UMAD1: variants seen among roughly 807,000 people sequenced by gnomAD.
UMAD1 encodes UBAP1-MVB12-associated (UMA)-domain containing protein 1.
UMAD1 carries 8 observed loss-of-function variants against 6.1 expected under a neutral mutation model. The observed-to-expected ratio is 1.30, with a 90% CI of 0.76 to 2.35. UMAD1 has a LOEUF of 2.35. Among genes scored for constraint, UMAD1 ranks in the 30% most tolerant of loss-of-function variants. The pLI is 0.00. For missense variants in UMAD1, 130 were observed against 78.4 expected, an observed-to-expected ratio of 1.66 and a Z score of -2.49; for synonymous variants, 56 against 31.4, an observed-to-expected ratio of 1.78 and a Z score of -2.61.
intron 3 of UMAD1, among the ~76,000 whole-genome samples, chr7:7,849,984 A>T (rs1783881304): frequency 6.6e-6 from 1 of 152,192 alleles, no homozygotes; most frequent in South Asian, 2.1e-4. Context: ...ATTGGCAAAG[A>T]TTAAAAAGTC....
intron 3 of UMAD1, among the ~76,000 whole-genome samples, chr7:7,841,452 C>T (rs1049582729): frequency 3.3e-5 from 5 of 151,782 alleles, no homozygotes; most frequent in African/African-American, 4.8e-5. Flanking sequence ...CACAGGCACA[C>T]ACCTCCACAC....
chr7:7,767,867 A>C (rs1049837618), intron 2 of UMAD1, among the ~76,000 whole-genome samples: 1 of 152,226 alleles, frequency 6.6e-6, no homozygotes, highest in African/African-American at 2.4e-5. Context: ...TCTGTGTTCT[A>C]CTGCCTTATA....
chr7:7,731,493 A>T (rs548026182), intron 2 of UMAD1, among the ~76,000 whole-genome samples: 1 of 125,042 alleles, frequency 8.0e-6, no homozygotes, highest in Non-Finnish European at 1.7e-5. Flanking sequence ...CCCCCCCCCA[A>T]AAAAAAAACA....
At chr7:7,874,281 TG>T (rs1240695528) in intron 3 of UMAD1, among the ~76,000 whole-genome samples, 1 of 152,244 alleles carries the variant, frequency 6.6e-6, no homozygotes, top group East Asian at 1.9e-4. Context: ...ATAAGTAATC[TG>T]TCATTCCCAG....
chr7:7,741,454 G>A (rs1011306030), intron 2 of UMAD1, among the ~76,000 whole-genome samples: 6 of 151,696 alleles, frequency 4.0e-5, no homozygotes, highest in Non-Finnish European at 5.9e-5. Flanking sequence ...GCCTGTAGTC[G>A]TAGTCCCAGC....
At chr7:7,840,558 A>G (rs1272618027) in intron 3 of UMAD1, among the ~76,000 whole-genome samples, 1 of 143,560 alleles carries the variant, frequency 7.0e-6, no homozygotes. Flanking sequence ...CTGGGGGACT[A>G]TGGGAGGAAG....
intron 2 of UMAD1, among the ~76,000 whole-genome samples, chr7:7,755,104 A>G (rs1050998006): frequency 6.6e-6 from 1 of 152,208 alleles, no homozygotes; most frequent in South Asian, 2.1e-4. Context: ...TCTTCACTCC[A>G]CATCGAATGC....
intron 2 of UMAD1, among the ~76,000 whole-genome samples, chr7:7,767,088 C>G (rs1019926685): frequency 2.7e-5 from 4 of 149,972 alleles, no homozygotes; most frequent in Non-Finnish European, 5.9e-5. Context: ...ATGATCATTA[C>G]TGTTTATTGT....
At chr7:7,864,461 G>A (rs73676914) in intron 3 of UMAD1, among the ~76,000 whole-genome samples, 2,409 of 151,954 alleles carry the variant, frequency 0.016, 70 homozygotes, top group African/African-American at 0.054. Flanking sequence ...CCATCACAGG[G>A]CACACTCATA....
At chr7:7,696,043 T>C (rs1006284959) in intron 2 of UMAD1, among the ~76,000 whole-genome samples, 4 of 150,782 alleles carry the variant, frequency 2.7e-5, no homozygotes, top group African/African-American at 9.8e-5. Flanking sequence ...GGAGTCTCTG[T>C]TGCCCAGGCT....
At chr7:7,815,257 T>C (rs1353004722) in intron 3 of UMAD1, among the ~76,000 whole-genome samples, 3 of 152,188 alleles carry the variant, frequency 2.0e-5, no homozygotes, top group African/African-American at 7.2e-5. Flanking sequence ...ACAGGGTTAC[T>C]ATAAGAATTT....
At chr7:7,718,266 C>T (rs934124294) in intron 2 of UMAD1, among the ~76,000 whole-genome samples, 1 of 152,096 alleles carries the variant, frequency 6.6e-6, no homozygotes, top group Non-Finnish European at 1.5e-5. Context: ...ATGTGAATTT[C>T]TTATAGTTTA....
intron 3 of UMAD1, among the ~76,000 whole-genome samples, chr7:7,824,056 C>T (rs986862847): frequency 6.6e-6 from 1 of 152,064 alleles, no homozygotes; most frequent in African/African-American, 2.4e-5. Flanking sequence ...CAAACATTAC[C>T]ATCAGCTGAA....
chr7:7,671,413 G>A (rs1337796393), intron 1 of UMAD1, among the ~76,000 whole-genome samples: 4 of 152,122 alleles, frequency 2.6e-5, no homozygotes, highest in African/African-American at 9.7e-5. Context: ...TTTACTGAGT[G>A]CCACATTAGT....
intron 3 of UMAD1, among the ~76,000 whole-genome samples, chr7:7,816,160 G>A (rs1783120841): frequency 6.8e-6 from 1 of 146,222 alleles, no homozygotes; most frequent in African/African-American, 2.6e-5. Flanking sequence ...AGGAAACCAA[G>A]GCTCAACAAT....
intron 2 of UMAD1, among the ~76,000 whole-genome samples, chr7:7,794,162 A>C (rs978942006): frequency 6.6e-6 from 1 of 152,216 alleles, no homozygotes; most frequent in Non-Finnish European, 1.5e-5. Flanking sequence ...AAAGAAAAGA[A>C]AAAGAAAAAC....
chr7:7,651,563 T>G (rs980208196), intron 1 of UMAD1, among the ~76,000 whole-genome samples: 9 of 152,214 alleles, frequency 5.9e-5, no homozygotes, highest in African/African-American at 2.2e-4. Context: ...TCCATCCTCA[T>G]GTTGATCTCA....
chr7:7,832,450 A>G (rs761076339), intron 3 of UMAD1, among the ~76,000 whole-genome samples: 15 of 152,158 alleles, frequency 9.9e-5, no homozygotes, highest in Non-Finnish European at 1.8e-4. Context: ...TGGTGAAACC[A>G]TTTTTACAGG....
At chr7:7,646,885 G>T (rs748791834) in intron 1 of UMAD1, among the ~76,000 whole-genome samples, 7 of 152,118 alleles carry the variant, frequency 4.6e-5, no homozygotes, top group African/African-American at 2.4e-5. Flanking sequence ...CAGAATAGGG[G>T]TGACATATTG....
Sources: allele counts gnomAD v4.1 joint callset (sites outside exome capture counted in the v4.1 genomes callset), GRCh38; gene constraint gnomAD v4.1.1; transcripts MANE v1.5; gene names NCBI Gene and HGNC (gene_info 2026-07-23, HGNC 2026-07-21).